Variants in PSAT1 observed in about 807,000 individuals in gnomAD.
The protein encoded by PSAT1 is phosphoserine aminotransferase.
PSAT1 carries 41 observed loss-of-function variants against 40.3 expected under a neutral mutation model. The ratio of observed to expected loss-of-function variants is 1.02; its 90% CI spans 0.79 to 1.32. PSAT1 has a LOEUF of 1.32. PSAT1 is among the 40% of genes most tolerant of loss of function. The pLI is 0.00. For missense variants in PSAT1, 406 were observed against 455.8 expected, an observed-to-expected ratio of 0.89 and a Z score of 0.99; for synonymous variants, 147 against 170.5, an observed-to-expected ratio of 0.86 and a Z score of 1.07.
intron 1 of PSAT1, 65 bp downstream of exon 1, chr9:78,297,335 G>T: frequency 1.3e-6 from 2 of 1,522,952 alleles, no homozygotes; most frequent in Non-Finnish European, 8.8e-7. Context: ...GGGTGGGTTT[G>T]CATCCCTGCG....
At chr9:78,309,585 A>G (rs1246525510) in intron 6 of PSAT1, among the ~76,000 whole-genome samples, 2 of 151,278 alleles carry the variant, frequency 1.3e-5, no homozygotes, top group Non-Finnish European at 3.0e-5. Context: ...CTGCTCTTGA[A>G]CTCCTGACCT....
chr9:78,307,542 G>A (rs61418023), intron 5 of PSAT1, among the ~76,000 whole-genome samples: 19,448 of 152,064 alleles, frequency 0.13, 1,336 homozygotes, highest in African/African-American at 0.15. Context: ...TCCTGCCAAC[G>A]CTCAATTTTC....
intron 2 of PSAT1, among the ~76,000 whole-genome samples, chr9:78,300,979 C>G (rs1378501303): frequency 6.6e-6 from 1 of 152,130 alleles, no homozygotes; most frequent in Non-Finnish European, 1.5e-5. Flanking sequence ...CTGAAGCCAT[C>G]CTCCCACATT....
intron 6 of PSAT1, among the ~76,000 whole-genome samples, chr9:78,314,709 G>A (rs1345306629): frequency 6.6e-6 from 1 of 152,152 alleles, no homozygotes; most frequent in Non-Finnish European, 1.5e-5. Flanking sequence ...GAAAGCCAGA[G>A]ATCATGGGCG....
intron 1 of PSAT1, chr9:78,298,452 G>C: frequency 1.0e-5 from 10 of 984,556 alleles, no homozygotes; most frequent in Non-Finnish European, 1.2e-5. Flanking sequence ...TTTTCTAGGG[G>C]CAGCGCTCAC....
chr9:78,304,133 TA>T (rs1828146832), intron 3 of PSAT1, among the ~76,000 whole-genome samples: 1 of 152,182 alleles, frequency 6.6e-6, no homozygotes. Context: ...CTCACTGGCT[TA>T]AGTAAAAAAG....
Position 78,306,374 on chromosome 9 carries a change from C to T in PSAT1, c.458C>T (p.Ala153Val). Residue 153 changes from alanine (A) to valine (V), a missense_variant, in exon 5 of 9, where the codon GCA (alanine) becomes GTA (valine). Transcript: ENST00000376588. ...NPDASYVYYC[A>V]NETVHGVEFD... ...GATGCCTCCTACGTGTATTATTGCGCAAATGAGACGGTGCATGGTGTGGAG... is the reference window on the plus strand; with the variant it reads ...GATGCCTCCTACGTGTATTATTGCGTAAATGAGACGGTGCATGGTGTGGAG... 1.9e-6 allele frequency: 3 copies of T among 1,613,444 alleles called. No individual in the cohort carries two copies. The highest frequency in any genetic ancestry group is 2.5e-6 in the Non-Finnish European group (3 of 1,180,004).
intron 1 of PSAT1, among the ~76,000 whole-genome samples, chr9:78,299,967 T>G (rs1448986325): frequency 1.3e-5 from 2 of 152,248 alleles, no homozygotes; most frequent in Non-Finnish European, 2.9e-5. Context: ...GCTTTTGCAC[T>G]TATTTTGTGT....
intron 7 of PSAT1, among the ~76,000 whole-genome samples, chr9:78,326,031 T>G (rs1828492954): frequency 6.6e-6 from 1 of 152,160 alleles, no homozygotes; most frequent in African/African-American, 2.4e-5. Context: ...AGCCGTTGAA[T>G]GTTTATTTTC....
At chr9:78,327,997 A>T in intron 7 of PSAT1, 54 bp from the exon 8 acceptor site, 8 of 1,578,310 alleles carry the variant, frequency 5.1e-6, no homozygotes, top group Non-Finnish European at 7.0e-6. Context: ...TGATTTGTTT[A>T]TGACAACCCA....
In PSAT1 at chr9:78,303,496, C is replaced by T. The variant is rs1418863934; in HGVS notation, c.192-1239C>T. On this transcript the variant is annotated intron_variant, in intron 3 of 8. Transcript: ENST00000376588. ...AGGGCCTATCTTTTCTTCTCCTAAC[C>T]TGGTTCCCACCTTGTATACCTGTAC... Among the ~76,000 whole-genome samples the T allele has an allele frequency of 3.3e-5, 5 of 152,118 alleles. No individual in the cohort carries two copies. The East Asian group carries it at 7.7e-4, about 24-fold the overall frequency.
chr9:78,315,814 G>C (rs1254352517), intron 6 of PSAT1, among the ~76,000 whole-genome samples: 1 of 152,238 alleles, frequency 6.6e-6, no homozygotes, highest in Non-Finnish European at 1.5e-5. Flanking sequence ...GTGACAAGCT[G>C]CTGGCTGTTA....
At chr9:78,308,360 A>T in intron 5 of PSAT1, 54 bp from the exon 6 acceptor site, 3 of 1,580,142 alleles carry the variant, frequency 1.9e-6, no homozygotes, top group South Asian at 1.1e-5. Context: ...GTTTGCATAC[A>T]TGTATGAAAA....
At chr9:78,319,440 A>G (rs113697712) in intron 7 of PSAT1, among the ~76,000 whole-genome samples, 16 of 152,290 alleles carry the variant, frequency 1.1e-4, no homozygotes, top group African/African-American at 3.8e-4. Flanking sequence ...GAAGGGGTAC[A>G]CACTCTGCAT....
intron 3 of PSAT1, among the ~76,000 whole-genome samples, chr9:78,303,119 G>A (rs1020731434): frequency 6.6e-6 from 1 of 152,072 alleles, no homozygotes; most frequent in Non-Finnish European, 1.5e-5. Flanking sequence ...CCACTAATCA[G>A]GGATAATCAC....
chr9:78,299,503 T>TC (rs1046207763), intron 1 of PSAT1, among the ~76,000 whole-genome samples: 9 of 143,016 alleles, frequency 6.3e-5, no homozygotes, highest in African/African-American at 2.3e-4. Flanking sequence ...AGTCTTTTTT[T>TC]TAATCTAATT....
rs145728059 is a variant in PSAT1 at position 78,300,776 on chromosome 9, C to T, written c.121+114C>T. The T allele has an allele frequency of 1.1e-3, 1,497 of 1,402,806 alleles. 10 individuals carry two copies. In the African/African-American group the frequency reaches 0.021, roughly 19 times the overall value. 86.9% of individuals were successfully genotyped at this position (1,402,806 alleles called of 1,614,324 possible). A position where few individuals can be genotyped will look rare whatever the true frequency, so the allele number is the denominator to read the frequency against. On this transcript the variant is annotated intron_variant, in intron 2 of 8. Transcript: ENST00000376588. ...TGTCACCCAGGCTGGAGTACAGTGG[C>T]GTGATCATAGTTCACTGCAGCCTCC...
intron 6 of PSAT1, among the ~76,000 whole-genome samples, chr9:78,313,511 C>G (rs1828296831): frequency 6.6e-6 from 1 of 152,202 alleles, no homozygotes; most frequent in Non-Finnish European, 1.5e-5. Context: ...TATACAGAGT[C>G]ATATATTTAA....
rs1028033654 is a variant in PSAT1, at chr9:78,329,585, G to A, written c.*499G>A. ...CCAGGCGAAGGGCAAACTGTAGATC[G>A]ATCTTTATGCTGTTATTACAGGAGA... On this transcript the variant is annotated 3_prime_UTR_variant, in exon 9 of 9. Coordinates refer to ENST00000376588, the MANE Select transcript of PSAT1 (RefSeq NM_058179.4). 1.2e-5 allele frequency: 2 copies of A among 172,292 alleles called. No individual in the cohort carries two copies. Among genetic ancestry groups the A allele is most frequent in the Admixed American group, 1.1e-4 (2 of 18,038 alleles). The allele number at this position is 172,292 out of a possible 1,614,324, so 10.7% of individuals were successfully genotyped here. A position where few individuals can be genotyped will look rare whatever the true frequency, so the allele number is the denominator to read the frequency against.
Sources: gnomAD v4.1 joint callset for allele counts (sites outside exome capture counted in the v4.1 genomes callset) on GRCh38, gnomAD v4.1.1 for gene constraint, MANE v1.5 for transcripts, NCBI Gene and HGNC (gene_info 2026-07-23, HGNC 2026-07-21) for gene names.